Variants in BLTP2 observed in about 807,000 individuals in gnomAD.
BLTP2 encodes bridge-like lipid transfer protein family member 2, also known as U937-associated antigen.
the BLTP2 span, among the ~76,000 whole-genome samples, chr17:28,630,477 T>TG: frequency 2.1e-5 from 3 of 144,616 alleles, no homozygotes; most frequent in African/African-American, 7.8e-5. Context: ...TTTTTTTTTT[T>TG]TTTTTTTTTT....
chr17:28,635,346 G>A, the BLTP2 span: 11 of 1,614,204 alleles, frequency 6.8e-6, no homozygotes, highest in East Asian at 2.5e-4. Context: ...TAATGAACTT[G>A]TCCTCAGCTA....
the BLTP2 span, among the ~76,000 whole-genome samples, chr17:28,625,044 A>G: frequency 5.5e-4 from 84 of 152,310 alleles, 1 homozygote; most frequent in South Asian, 0.017. Context: ...GATTGCTATG[A>G]AAGTTTAACG....
At chr17:28,640,573 T>G in the BLTP2 span, 1 of 1,614,190 alleles carries the variant, frequency 6.2e-7, no homozygotes, top group African/African-American at 1.3e-5. Context: ...TTTTGACTAT[T>G]CATGGACAAT....
At chr17:28,639,836 G>A in the BLTP2 span, 1 of 1,583,166 alleles carries the variant, frequency 6.3e-7, no homozygotes, top group African/African-American at 1.3e-5. Context: ...ACCATATGGG[G>A]CATGAGCAAA....
chr17:28,638,189 C>T, the BLTP2 span: 2 of 1,598,730 alleles, frequency 1.3e-6, no homozygotes, highest in Admixed American at 1.7e-5. Flanking sequence ...ATGCTCAGCG[C>T]TCTGACGCAT....
chr17:28,618,400 C>T, the BLTP2 span, among the ~76,000 whole-genome samples: 2 of 151,976 alleles, frequency 1.3e-5, no homozygotes, highest in Admixed American at 6.6e-5. Flanking sequence ...CACAGGTATG[C>T]ACCACGATGC....
At chr17:28,617,653 C>G in the BLTP2 span, among the ~76,000 whole-genome samples, 1 of 152,210 alleles carries the variant, frequency 6.6e-6, no homozygotes, top group Non-Finnish European at 1.5e-5. Context: ...TTAGAATATT[C>G]TATTCCAAGC....
At chr17:28,643,811 GATTTCCTGT>G in the BLTP2 span, 1 of 897,904 alleles carries the variant, frequency 1.1e-6, no homozygotes, top group South Asian at 1.6e-5. Context: ...TAAAATCTTC[GATTTCCTGT>G]TATCTTTCTT....
chr17:28,619,770 C>A, the BLTP2 span: 1 of 1,614,048 alleles, frequency 6.2e-7, no homozygotes, highest in Non-Finnish European at 8.5e-7. Context: ...TGTCATCCTG[C>A]AAAGACTAGG....
chr17:28,640,185 G>A, the BLTP2 span, among the ~76,000 whole-genome samples: 2 of 152,126 alleles, frequency 1.3e-5, 1 homozygote, highest in South Asian at 4.1e-4. Flanking sequence ...ACGAGGTCAG[G>A]AGATCGAGAC....
the BLTP2 span, chr17:28,616,714 A>C: frequency 6.2e-7 from 1 of 1,614,242 alleles, no homozygotes; most frequent in South Asian, 1.1e-5. This position sits in a 1 kb window ranked among gnomAD's most constrained non-coding sequence, Gnocchi z 4.8. Context: ...CTGTGGAAGA[A>C]CTGGTGTGTC....
At chr17:28,616,630 GT>G in the BLTP2 span, 1 of 1,614,226 alleles carries the variant, frequency 6.2e-7, no homozygotes, top group Non-Finnish European at 8.5e-7. The surrounding 1 kb of genome is among the most constrained non-coding windows in gnomAD (Gnocchi z 4.8). Context: ...GTAGTCACCA[GT>G]TTGGACTTAT....
chr17:28,634,590 A>G, the BLTP2 span: 2 of 1,614,094 alleles, frequency 1.2e-6, no homozygotes, highest in Non-Finnish European at 1.7e-6. Context: ...CAGGGGGAAA[A>G]GGGCTGCCTG....
At chr17:28,616,350 T>G in the BLTP2 span, 1 of 1,614,054 alleles carries the variant, frequency 6.2e-7, no homozygotes, top group Non-Finnish European at 8.5e-7. The surrounding 1 kb of genome is among the most constrained non-coding windows in gnomAD (Gnocchi z 4.8). Flanking sequence ...ACTCTCCCAT[T>G]TTTCTATCAT....
At chr17:28,640,362 C>T in the BLTP2 span, 1 of 573,740 alleles carries the variant, frequency 1.7e-6, no homozygotes, top group Non-Finnish European at 3.0e-6. Context: ...CACTGAACTC[C>T]AGCCTGGGCA....
the BLTP2 span, chr17:28,620,181 A>C: frequency 1.5e-6 from 1 of 686,148 alleles, no homozygotes; most frequent in Non-Finnish European, 2.4e-6. Flanking sequence ...AAAATGTGGC[A>C]ATGTGGATTT....
the BLTP2 span, chr17:28,628,175 C>G: frequency 2.7e-6 from 3 of 1,101,392 alleles, no homozygotes; most frequent in East Asian, 7.1e-5. Context: ...TAGATAGAAG[C>G]ACCATGACTC....
At chr17:28,638,945 C>T in the BLTP2 span, 2 of 439,738 alleles carry the variant, frequency 4.5e-6, no homozygotes, top group Non-Finnish European at 4.1e-6. Flanking sequence ...AGAAGCATCA[C>T]TTCTAAACCA....
At chr17:28,645,006 G>A in the BLTP2 span, 23 of 1,593,176 alleles carry the variant, frequency 1.4e-5, no homozygotes, top group Non-Finnish European at 2.0e-5. Context: ...GAAAGAGGGC[G>A]CTAAGCGCAA....
Sources: gnomAD v4.1 joint callset for allele counts (sites outside exome capture counted in the v4.1 genomes callset) on GRCh38, gnomAD v4.1.1 for gene constraint, Gnocchi (gnomAD v3.1) non-coding constraint, MANE v1.5 for transcripts, NCBI Gene and HGNC (gene_info 2026-07-23, HGNC 2026-07-21) for gene names.